CACNA2D3: variants seen among roughly 807,000 people sequenced by gnomAD.
The protein encoded by CACNA2D3 is calcium voltage-gated channel auxiliary subunit alpha2delta 3.
A neutral mutation model predicts 160.6 loss-of-function variants in CACNA2D3; 60 were observed. The ratio of observed to expected loss-of-function variants is 0.37; its 90% CI spans 0.30 to 0.46. The LOEUF (loss-of-function observed/expected upper bound fraction) is 0.46. CACNA2D3 is among the 20% of genes least tolerant of loss of function. The probability of loss-of-function intolerance (pLI) is 1.00; values close to 1 mark genes in which losing one functional copy is unlikely to be tolerated. For missense variants in CACNA2D3, 1,205 were observed against 1,365.0 expected (o/e 0.88, Z 1.85); for synonymous variants, 558 against 492.9 (o/e 1.13, Z -1.75).
At chr3:54,898,088 T>TGC (rs397956761) in intron 26 of CACNA2D3, among the ~76,000 whole-genome samples, 15 of 151,312 alleles carry the variant, frequency 9.9e-5, no homozygotes, top group African/African-American at 2.7e-4. Flanking sequence ...CTTGCTTGCT[T>TGC]TCTTCCTTCC....
intron 5 of CACNA2D3, among the ~76,000 whole-genome samples, chr3:54,509,958 T>C (rs1701433899): frequency 6.6e-6 from 1 of 152,236 alleles, no homozygotes; most frequent in Non-Finnish European, 1.5e-5. Context: ...TGTGTCTGTA[T>C]TTTCTCAGAA....
At chr3:54,775,542 C>T (rs1702410568) in intron 13 of CACNA2D3, among the ~76,000 whole-genome samples, 1 of 152,058 alleles carries the variant, frequency 6.6e-6, no homozygotes, top group African/African-American at 2.4e-5. Context: ...TGAGAATAGT[C>T]GTATAGGATT....
chr3:54,688,453 A>G (rs556733290), intron 11 of CACNA2D3, among the ~76,000 whole-genome samples: 1 of 152,176 alleles, frequency 6.6e-6, no homozygotes, highest in South Asian at 2.1e-4. Flanking sequence ...GAAGGAATGA[A>G]TGAACAAATG....
intron 24 of CACNA2D3, 73 bp downstream of exon 24, chr3:54,888,125 A>G: frequency 1.7e-6 from 2 of 1,187,260 alleles, no homozygotes; most frequent in Non-Finnish European, 2.5e-6. Context: ...TATGGTTTAA[A>G]GAACTAAACT....
chr3:54,479,152 G>A (rs191003413), intron 4 of CACNA2D3, among the ~76,000 whole-genome samples: 2 of 152,150 alleles, frequency 1.3e-5, no homozygotes, highest in East Asian at 1.9e-4. Flanking sequence ...GGTTTTATAA[G>A]AAGCTTTTCC....
chr3:54,266,163 T>C (rs1437412327), intron 2 of CACNA2D3, among the ~76,000 whole-genome samples: 2 of 152,202 alleles, frequency 1.3e-5, no homozygotes, highest in African/African-American at 4.8e-5. Context: ...TGGTTTGGCC[T>C]GAGCTTTGTA....
At chr3:54,616,511 C>T (rs141875663) in intron 9 of CACNA2D3, among the ~76,000 whole-genome samples, 5 of 152,302 alleles carry the variant, frequency 3.3e-5, no homozygotes, top group African/African-American at 9.6e-5. Flanking sequence ...CTATGACATT[C>T]TCTTTGTTGC....
intron 11 of CACNA2D3, among the ~76,000 whole-genome samples, chr3:54,713,446 T>C (rs1041809276): frequency 1.3e-5 from 2 of 152,148 alleles, no homozygotes; most frequent in African/African-American, 2.4e-5. Context: ...TAGAAAGAAG[T>C]TAAGAGCCAC....
chr3:55,054,634 T>C (rs1259969870), intron 35 of CACNA2D3, among the ~76,000 whole-genome samples: 2 of 151,074 alleles, frequency 1.3e-5, no homozygotes, highest in Non-Finnish European at 3.0e-5. Flanking sequence ...TACCATTATC[T>C]ACTAACTCTA....
intron 31 of CACNA2D3, among the ~76,000 whole-genome samples, chr3:54,991,390 T>G (rs1157102674): frequency 6.6e-6 from 1 of 151,986 alleles, no homozygotes; most frequent in East Asian, 1.9e-4. Context: ...GCCCAGCTAA[T>G]TTTTGTATTT....
At chr3:54,559,155 C>T (rs933693258) in intron 5 of CACNA2D3, among the ~76,000 whole-genome samples, 4 of 152,148 alleles carry the variant, frequency 2.6e-5, no homozygotes, top group Admixed American at 1.3e-4. Context: ...CATTTTGAAA[C>T]AGGGTCTTCA....
At chr3:54,968,013 C>T (rs1163362600) in intron 27 of CACNA2D3, among the ~76,000 whole-genome samples, 5 of 152,154 alleles carry the variant, frequency 3.3e-5, no homozygotes, top group African/African-American at 7.2e-5. Flanking sequence ...ATGACAAGTG[C>T]TTTTCAAATG....
intron 35 of CACNA2D3, 50 bp from the exon 36 acceptor site, chr3:55,073,395 T>TTTAA: frequency 7.0e-7 from 1 of 1,420,738 alleles, no homozygotes; most frequent in Non-Finnish European, 1.0e-6. Flanking sequence ...CTCATGGCTC[T>TTTAA]TTAATTGACG....
intron 17 of CACNA2D3, among the ~76,000 whole-genome samples, chr3:54,865,625 A>G (rs1260204392): frequency 6.6e-6 from 1 of 152,254 alleles, no homozygotes. Flanking sequence ...GCACCAAGTC[A>G]GGTCGAACAA....
chr3:54,197,269 A>G (rs984812432), intron 2 of CACNA2D3: 17 of 152,128 alleles, frequency 1.1e-4, no homozygotes, highest in African/African-American at 2.9e-4. Flanking sequence ...GGAAAATGTC[A>G]TGGGACATGT....
In CACNA2D3 at chr3:55,057,171, C is replaced by T. The variant is rs139707129; in HGVS notation, c.2988-16274C>T. ...GTAAGACGTCCCTTTGCTCTTCCTT[C>T]GTCTTCTGCCATGATTGTGAGGCCT... On this transcript the variant is annotated intron_variant, in intron 35 of 37. Transcript: ENST00000474759. Among the ~76,000 whole-genome samples, 400 of 152,236 alleles carry T rather than the reference C, an allele frequency of 2.6e-3. 2 individuals are homozygous for T. The highest frequency in any genetic ancestry group is 9.3e-3 in the African/African-American group (385 of 41,548).
intron 9 of CACNA2D3, among the ~76,000 whole-genome samples, chr3:54,611,504 T>A (rs1036983434): frequency 3.9e-5 from 6 of 152,248 alleles, no homozygotes; most frequent in African/African-American, 1.4e-4. Context: ...GTGCCACTTA[T>A]TGATTCAGCA....
intron 3 of CACNA2D3, among the ~76,000 whole-genome samples, chr3:54,384,671 A>G (rs906221277): frequency 6.6e-6 from 1 of 151,990 alleles, no homozygotes; most frequent in African/African-American, 2.4e-5. Flanking sequence ...TTTTTTCTGT[A>G]AAGAATTTTA....
At chr3:54,617,563 G>C (rs1698880225) in intron 9 of CACNA2D3, among the ~76,000 whole-genome samples, 1 of 152,036 alleles carries the variant, frequency 6.6e-6, no homozygotes, top group African/African-American at 2.4e-5. Context: ...ACTGCTCTTG[G>C]GTAAAGTTGC....
Sources: allele counts gnomAD v4.1 joint callset (sites outside exome capture counted in the v4.1 genomes callset), GRCh38; gene constraint gnomAD v4.1.1; transcripts MANE v1.5; gene names NCBI Gene and HGNC (gene_info 2026-07-23, HGNC 2026-07-21).